RELA: variants seen among roughly 807,000 people sequenced by gnomAD.
RELA encodes RELA proto-oncogene, NF-kB subunit.
In RELA, 14 loss-of-function variants were observed where a neutral mutation model predicts 56.7. The ratio of observed to expected loss-of-function variants is 0.25; its 90% CI spans 0.16 to 0.39. The LOEUF (loss-of-function observed/expected upper bound fraction) is 0.39. Ranked by LOEUF, RELA falls within the 10% of genes least tolerant of loss-of-function variation. The probability of loss-of-function intolerance (pLI) is 1.00; values close to 1 mark genes in which losing one functional copy is unlikely to be tolerated. For synonymous variants in RELA, 315 were observed against 289.7 expected, an observed-to-expected ratio of 1.09 and a Z score of -0.89; for missense variants, 559 against 736.4, an observed-to-expected ratio of 0.76 and a Z score of 2.79.
At chr11:65,657,380 T>C (rs1177695087) in intron 8 of RELA, among the ~76,000 whole-genome samples, 1 of 152,102 alleles carries the variant, frequency 6.6e-6, no homozygotes, top group Non-Finnish European at 1.5e-5. Context: ...CAGCAACATT[T>C]CCAGAATGGC....
intron 8 of RELA, among the ~76,000 whole-genome samples, chr11:65,656,750 C>T (rs898493807): frequency 3.3e-5 from 5 of 152,140 alleles, no homozygotes; most frequent in African/African-American, 1.2e-4. Context: ...CTCGGCCAGG[C>T]GTGGTGGCTC....
chr11:65,654,252 C>T lies in RELA; in HGVS notation c.*126G>A, dbSNP rs2135547421. On this transcript the variant is annotated 3_prime_UTR_variant, in exon 11 of 11. Coordinates refer to ENST00000406246, the MANE Select transcript of RELA (RefSeq NM_021975.4). ...AATAAAAGAATAAAATATGGCTCCC[C>T]CCTCCAAGGAAGACATCCACAAAGT... 6 of 1,142,570 alleles carry T rather than the reference C, an allele frequency of 5.3e-6. No homozygotes were observed. Among genetic ancestry groups the T allele is most frequent in the South Asian group, 5.2e-5 (4 of 77,566 alleles). 70.8% of individuals were successfully genotyped at this position (1,142,570 alleles called of 1,614,324 possible). A position where few individuals can be genotyped will look rare whatever the true frequency, so the allele number is the denominator to read the frequency against.
In RELA at chr11:65,655,735, C is replaced by G; in HGVS notation, c.986G>C (p.Arg329Pro). 6.2e-7 allele frequency: 1 copy of G among 1,614,088 alleles called. No individual in the cohort carries two copies. The change falls in exon 10 of 11, where the codon CGA becomes CCA. Residue 329 changes from arginine to proline, a missense_variant. Arg to Pro is a moderately radical substitution (Grantham distance 103). Transcript: ENST00000406246. Reference protein sequence around the residue: ...SGPTDPRPPPRRIAVPSRSSA... With the variant: ...SGPTDPRPPPPRIAVPSRSSA... ...GCTGCGGGAAGGCACAGCAATGCGT[C>G]GAGGTGGAGGCCGGGGGTCGGTGGG...
Position 65,659,665 on chromosome 11 carries a change from C to T in RELA, c.559+1G>A, listed in dbSNP as rs1565191003. On this transcript the variant is annotated splice_donor_variant, in intron 6 of 10. Transcript: ENST00000406246. LOFTEE classifies it high-confidence loss of function. ...CTTCCTGCGTCTCCCTCGCTACTCA[C>T]GATTGTCAAAGATGGGATGAGAAAG... 6.2e-7 allele frequency: 1 copy of T among 1,613,594 alleles called. No individual in the cohort carries two copies. The highest frequency in any genetic ancestry group is 8.5e-7 in the Non-Finnish European group (1 of 1,179,996).
At chr11:65,660,101 G>A (rs764758573) in intron 5 of RELA, 23 bp downstream of exon 5, 10 of 1,607,162 alleles carry the variant, frequency 6.2e-6, no homozygotes, top group Middle Eastern at 1.6e-4. Flanking sequence ...GGGTGCGGGT[G>A]TGGCAGGCAG....
intron 10 of RELA, 135 bp from the exon 11 acceptor site, chr11:65,655,135 TTC>T: frequency 1.4e-6 from 1 of 724,930 alleles, no homozygotes; most frequent in East Asian, 2.7e-5. Context: ...CCCTATCTCC[TTC>T]CTCTTACCCC....
rs1418836015 is a variant in RELA, at chr11:65,658,617, G to T, written c.664+101C>A. 7.2e-7 allele frequency: 1 copy of T among 1,384,470 alleles called. No individual in the cohort carries two copies. The highest frequency in any genetic ancestry group is 1.0e-6 in the Non-Finnish European group (1 of 979,444). The allele number at this position is 1,384,470 out of a possible 1,614,324, so 85.8% of individuals were successfully genotyped here. A position where few individuals can be genotyped will look rare whatever the true frequency, so the allele number is the denominator to read the frequency against. On this transcript the variant is annotated intron_variant, in intron 7 of 10. Transcript: ENST00000406246. This position sits in a 1 kb window ranked among gnomAD's most constrained non-coding sequence, Gnocchi z 4.5. ...CTTCGGCCCACCTGAGGCCCCCGAG[G>T]CACAGGAGGAAGTATCCAAAGCCAG...
At position 65,662,101 on chromosome 11, in the gene RELA, A is replaced by G; in HGVS notation, c.35-13T>C. 1.2e-6 allele frequency: 2 copies of G among 1,606,598 alleles called. No individual in the cohort carries two copies. The highest frequency in any genetic ancestry group is 1.7e-6 in the Non-Finnish European group (2 of 1,177,162). On this transcript the variant is annotated splice_polypyrimidine_tract_variant and intron_variant, in intron 2 of 10. Coordinates refer to ENST00000406246, the MANE Select transcript of RELA (RefSeq NM_021975.4). ...GCCTGGGCTGGCTCTGCCAGGGGAC[A>G]CCGCAGCCCCATTAGGCGGCTGCCC...
In RELA at chr11:65,654,363, G is replaced by A. The variant is rs1856360229; in HGVS notation, c.*15C>T. 2 of 1,613,816 alleles carry A rather than the reference G, an allele frequency of 1.2e-6. No homozygotes were observed. Among genetic ancestry groups the A allele is most frequent in the East Asian group, 4.5e-5 (2 of 44,884 alleles). On this transcript the variant is annotated 3_prime_UTR_variant, in exon 11 of 11. Transcript: ENST00000406246. ...CCTGCAACCCAGTGCTCTGGGGAGG[G>A]CAGGCGTCACCCCCTTAGGAGCTGA...
intron 5 of RELA, 122 bp from the exon 6 acceptor site, chr11:65,659,919 G>A: frequency 1.5e-6 from 2 of 1,346,374 alleles, no homozygotes; most frequent in South Asian, 1.4e-5. Context: ...AGTCCTAGAG[G>A]AGGCAGAACC....
chr11:65,662,791 C>G (rs1856607774), intron 1 of RELA, 35 bp downstream of exon 1: 1 of 1,197,540 alleles, frequency 8.4e-7, no homozygotes, highest in Non-Finnish European at 1.0e-6. Context: ...GCGGCCCCGG[C>G]GATGCCACCC....
chr11:65,658,207 C>T lies in RELA; in HGVS notation c.877+80G>A. The stretch of plus-strand genomic sequence containing the variant: ...GACTCCAGCTTCTGGCCCTCAACCA[C>T]AGCCCCAGACATGCAGTCTTGGCCT... On this transcript the variant is annotated intron_variant, in intron 8 of 10. Transcript: ENST00000406246. This position sits in a 1 kb window ranked among gnomAD's most constrained non-coding sequence, Gnocchi z 4.5. The T allele has an allele frequency of 9.0e-7, 1 of 1,112,780 alleles. No homozygotes were observed. Among genetic ancestry groups the T allele is most frequent in the South Asian group, 1.6e-5 (1 of 62,264 alleles). The allele number at this position is 1,112,780 out of a possible 1,614,324, so 68.9% of individuals were successfully genotyped here. A position where few individuals can be genotyped will look rare whatever the true frequency, so the allele number is the denominator to read the frequency against.
chr11:65,662,398 G>C, intron 1 of RELA, 193 bp from the exon 2 acceptor site: 1 of 610,832 alleles, frequency 1.6e-6, no homozygotes, highest in African/African-American at 1.9e-5. Flanking sequence ...GAGGGAAAAC[G>C]GGGTAAGGAA....
Position 65,658,861 on chromosome 11 carries a change from G to T in RELA, c.560-39C>A. 6.4e-7 allele frequency: 1 copy of T among 1,555,316 alleles called. No individual in the cohort carries two copies. Among genetic ancestry groups the T allele is most frequent in the South Asian group, 1.1e-5 (1 of 89,894 alleles). The stretch of plus-strand genomic sequence containing the variant: ...AACAAGGGAGGATGACCTGAGCCAC[G>T]AGAGGTCCCCAGGGTGGCCTGCAGG... On this transcript the variant is annotated intron_variant, in intron 6 of 10. Coordinates refer to ENST00000406246, the MANE Select transcript of RELA (RefSeq NM_021975.4). This position sits in a 1 kb window ranked among gnomAD's most constrained non-coding sequence, Gnocchi z 4.5.
upstream of RELA, chr11:65,662,934 G>A (rs534087538): frequency 2.0e-6 from 2 of 993,466 alleles, no homozygotes; most frequent in African/African-American, 1.7e-5. Context: ...GCGGCCCGCC[G>A]TCGCGTCACT....
chr11:65,660,466 T>A, intron 4 of RELA: 1 of 528,538 alleles, frequency 1.9e-6, no homozygotes, highest in Non-Finnish European at 3.4e-6. Context: ...TTTTCCACTC[T>A]CTAAACACAG....
At chr11:65,655,135 T>G (rs1206255804) in intron 10 of RELA, 135 bp from the exon 11 acceptor site, 10 of 724,810 alleles carry the variant, frequency 1.4e-5, no homozygotes, top group Non-Finnish European at 1.9e-5. Flanking sequence ...CCCTATCTCC[T>G]TCCTCTTACC....
Position 65,662,080 on chromosome 11 carries a change from G to C in RELA, c.43C>G (p.Gln15Glu). Residue 15 changes from glutamine to glutamate, a missense_variant, in exon 3 of 11, where the codon CAG (glutamine) becomes GAG (glutamate). Physicochemically the swap from Gln to Glu is conservative, Grantham distance 29. Coordinates refer to ENST00000406246, the MANE Select transcript of RELA (RefSeq NM_021975.4). ...FPLIFPAEPAQASGPYVEIIE... is the reference protein window; with the variant it reads ...FPLIFPAEPAEASGPYVEIIE... ...ATCTCCACATAGGGGCCAGAGGCCT[G>C]GGCTGGCTCTGCCAGGGGACACCGC... 2 of 1,610,770 alleles carry C rather than the reference G, an allele frequency of 1.2e-6. No homozygotes were observed. Among genetic ancestry groups the C allele is most frequent in the East Asian group, 2.2e-5 (1 of 44,758 alleles).
chr11:65,661,593 C>T, intron 4 of RELA, 94 bp downstream of exon 4: 2 of 1,234,944 alleles, frequency 1.6e-6, no homozygotes, highest in South Asian at 1.5e-5. Flanking sequence ...AGGAATTCTG[C>T]CCTGGGTCCA....
Sources: gnomAD v4.1 joint callset for allele counts (sites outside exome capture counted in the v4.1 genomes callset) on GRCh38, gnomAD v4.1.1 for gene constraint, Gnocchi (gnomAD v3.1) non-coding constraint, MANE v1.5 for transcripts, NCBI Gene and HGNC (gene_info 2026-07-23, HGNC 2026-07-21) for gene names.